Variants in AGTRAP observed in about 807,000 individuals in gnomAD.
The protein encoded by AGTRAP is type-1 angiotensin II receptor-associated protein.
In AGTRAP, 7 loss-of-function variants were observed where a neutral mutation model predicts 15.2. That is an observed-to-expected ratio of 0.46 (90% CI 0.26 to 0.87). AGTRAP has a LOEUF of 0.87. AGTRAP is among the 40% of genes least tolerant of loss of function. The pLI, the probability that AGTRAP is intolerant of heterozygous loss-of-function variation, is 0.15. For synonymous variants in AGTRAP, 74 were observed against 89.6 expected (o/e 0.83, Z 0.98); for missense variants, 187 against 213.4 (o/e 0.88, Z 0.77).
At chr1:11,747,313 G>A in intron 2 of AGTRAP, 127 bp from the exon 3 acceptor site, 1 of 830,896 alleles carries the variant, frequency 1.2e-6, no homozygotes, top group Non-Finnish European at 2.0e-6. Flanking sequence ...GGATTTGCTG[G>A]CACACAGCCG....
rs147510460 is a variant in AGTRAP at position 11,743,727 on chromosome 1, C to T, written c.28-2076C>T. Among the ~76,000 whole-genome samples the T allele has an allele frequency of 2.4e-3, 368 of 152,018 alleles. 3 individuals carry two copies. The highest frequency in any genetic ancestry group is 7.9e-3 in the African/African-American group (327 of 41,466). ...GATTACAGGCATGTGCCACCATGCC[C>T]GGCTAATTTTGTATTTTTAGTAGAA... On this transcript the variant is annotated intron_variant, in intron 1 of 4. Transcript: ENST00000314340.
Position 11,748,542 on chromosome 1 carries a change from A to G in AGTRAP, c.296A>G (p.Lys99Arg), listed in dbSNP as rs985027542. 13 of 1,612,378 alleles carry G rather than the reference A, an allele frequency of 8.1e-6. No individual in the cohort carries two copies. The African/African-American group carries it at 1.5e-4, about 18-fold the overall frequency. ...ATGGCCATCCTCAGCTTGCTGCTCA[A>G]GCCGCTCTCCTGCTGCTTCGTCTAC... ...VGMAILSLLL[K>R]PLSCCFVYHM... is the part of the protein sequence containing the mutation. The change falls in exon 4 of 5, where the codon AAG (lysine) becomes AGG (arginine). Residue 99 changes from lysine to arginine, a missense_variant. Transcript: ENST00000314340.
intron 2 of AGTRAP, chr1:11,746,119 C>T (rs1239692940): frequency 3.1e-6 from 5 of 1,612,388 alleles, no homozygotes; most frequent in African/African-American, 1.3e-5. Context: ...CTCTTTTAAT[C>T]TGTTGAGCTT....
chr1:11,747,642 C>G (rs970829349), intron 3 of AGTRAP, 97 bp downstream of exon 3: 3 of 1,299,766 alleles, frequency 2.3e-6, no homozygotes, highest in African/African-American at 2.9e-5. Context: ...CAATCTTCCC[C>G]CTCTTCCTTG....
chr1:11,750,354 G>A lies in AGTRAP; in HGVS notation c.*162G>A. 2 of 712,390 alleles carry A rather than the reference G, an allele frequency of 2.8e-6. No individual in the cohort carries two copies. Among genetic ancestry groups the A allele is most frequent in the Non-Finnish European group, 5.0e-6 (2 of 399,606 alleles). 44.1% of individuals were successfully genotyped at this position (712,390 alleles called of 1,614,324 possible). A position where few individuals can be genotyped will look rare whatever the true frequency, so the allele number is the denominator to read the frequency against. ...GCCAGGAGCCCCCATGGGCCGCCCA[G>A]TACCATGCACACTCCTGTCCCGAAC... On this transcript the variant is annotated 3_prime_UTR_variant, in exon 5 of 5. Transcript: ENST00000314340.
intron 1 of AGTRAP, among the ~76,000 whole-genome samples, chr1:11,742,508 T>C (rs1320872868): frequency 6.6e-6 from 1 of 151,578 alleles, no homozygotes; most frequent in Non-Finnish European, 1.5e-5. Context: ...TCCTTCTCTT[T>C]CTCTCTTTCT....
chr1:11,749,635 A>T (rs1374465745), intron 4 of AGTRAP, among the ~76,000 whole-genome samples: 2 of 152,066 alleles, frequency 1.3e-5, no homozygotes, highest in Non-Finnish European at 2.9e-5. Context: ...GTGTCCTTGT[A>T]CCTGGGAGGG....
chr1:11,742,415 TTTCTTTCCC>T (rs1422422287), intron 1 of AGTRAP, among the ~76,000 whole-genome samples: 8 of 152,094 alleles, frequency 5.3e-5, no homozygotes, highest in African/African-American at 1.7e-4. Context: ...TTTTCTGTCC[TTTCTTTCCC>T]TTCTTTCCCT....
chr1:11,747,296 G>A, intron 2 of AGTRAP, 144 bp from the exon 3 acceptor site: 1 of 738,722 alleles, frequency 1.4e-6, no homozygotes, highest in South Asian at 1.6e-5. Context: ...GGGAGGCGGA[G>A]CCCATGGGAT....
chr1:11,745,618 G>T lies in AGTRAP; in HGVS notation c.28-185G>T, dbSNP rs115625435. Among the ~76,000 whole-genome samples, 1,818 of 152,314 alleles carry T rather than the reference G, an allele frequency of 0.012. 38 individuals carry two copies. The highest frequency in any genetic ancestry group is 0.041 in the African/African-American group (1,697 of 41,566). ...AAGCGGCCCCTCCCTGGCCTGGCCTGCTTTCTTCCTCCTCCTTCACTCCTG... is the reference window on the plus strand; with the variant it reads ...AAGCGGCCCCTCCCTGGCCTGGCCTTCTTTCTTCCTCCTCCTTCACTCCTG... On this transcript the variant is annotated intron_variant, in intron 1 of 4. Coordinates refer to ENST00000314340, the MANE Select transcript of AGTRAP (RefSeq NM_020350.5). The surrounding 1 kb of genome is among the most constrained non-coding windows in gnomAD (Gnocchi z 4.2).
chr1:11,737,185 C>A (rs1641921481), intron 1 of AGTRAP, among the ~76,000 whole-genome samples: 1 of 152,336 alleles, frequency 6.6e-6, no homozygotes, highest in East Asian at 1.9e-4. Flanking sequence ...TGTGCTATGA[C>A]TTGCTATAGG....
chr1:11,748,144 T>A (rs1191914177), intron 3 of AGTRAP, among the ~76,000 whole-genome samples: 2 of 152,122 alleles, frequency 1.3e-5, no homozygotes, highest in Non-Finnish European at 2.9e-5. Flanking sequence ...TAGAGCCAAG[T>A]CTTGTGCCCA....
intron 4 of AGTRAP, among the ~76,000 whole-genome samples, chr1:11,749,451 C>G (rs1477445168): frequency 1.3e-5 from 2 of 152,156 alleles, no homozygotes; most frequent in African/African-American, 4.8e-5. Context: ...CAGAATGTTT[C>G]TCCCATTGGA....
chr1:11,747,649 C>G, intron 3 of AGTRAP, 104 bp downstream of exon 3: 1 of 1,197,794 alleles, frequency 8.3e-7, no homozygotes, highest in Non-Finnish European at 1.2e-6. Context: ...CCCCCTCTTC[C>G]TTGGGCCACC....
In AGTRAP at chr1:11,736,222, C is replaced by T. The variant is rs1641892490; in HGVS notation, c.14C>T (p.Ala5Val). 2 of 1,608,178 alleles carry T rather than the reference C, an allele frequency of 1.2e-6. No individual in the cohort carries two copies. The highest frequency in any genetic ancestry group is 1.7e-6 in the Non-Finnish European group (2 of 1,177,934). ...GCCTGAGTCGGGATGGAGCTGCCTG[C>T]TGTGAACCTGAAGGTGGCGACGGGC... is the stretch of plus-strand genomic sequence containing the variant. MELP[A>V]VNLKVILLGH... The change falls in exon 1 of 5, where the codon GCT (alanine) becomes GTT (valine). Residue 5 changes from alanine (A) to valine (V), a missense_variant. Ala to Val is a moderately conservative substitution (Grantham distance 64, BLOSUM62 0). Coordinates refer to ENST00000314340, the MANE Select transcript of AGTRAP (RefSeq NM_020350.5).
At position 11,740,062 on chromosome 1, in the gene AGTRAP, G is replaced by C. The variant is rs144976484; in HGVS notation, c.27+3827G>C. ...TGAGCACTGTAGTGAGAGTCCAGGG[G>C]CTCAGGTCCGTCCTTCCTGCCCAGC... On this transcript the variant is annotated intron_variant, in intron 1 of 4. Transcript: ENST00000314340. Among the ~76,000 whole-genome samples the C allele has an allele frequency of 5.9e-3, 896 of 152,296 alleles. 10 individuals are homozygous for C. The highest frequency in any genetic ancestry group is 0.021 in the African/African-American group (861 of 41,560).
At chr1:11,744,116 AAAAC>A (rs1642102649) in intron 1 of AGTRAP, among the ~76,000 whole-genome samples, 1 of 152,090 alleles carries the variant, frequency 6.6e-6, no homozygotes, top group Admixed American at 6.5e-5. Flanking sequence ...TCTCTACAAA[AAAAC>A]AAAAATTAGC....
intron 1 of AGTRAP, among the ~76,000 whole-genome samples, chr1:11,741,327 G>A (rs1205425607): frequency 2.0e-5 from 3 of 152,054 alleles, no homozygotes; most frequent in South Asian, 2.1e-4. Flanking sequence ...CTTCAATCAG[G>A]TGCTTTCCTT....
At chr1:11,737,159 A>G (rs928774386) in intron 1 of AGTRAP, among the ~76,000 whole-genome samples, 1 of 152,240 alleles carries the variant, frequency 6.6e-6, no homozygotes, top group Non-Finnish European at 1.5e-5. Context: ...AATACACTTT[A>G]TTATTACACA....
Sources: allele counts gnomAD v4.1 joint callset (sites outside exome capture counted in the v4.1 genomes callset), GRCh38; gene constraint gnomAD v4.1.1; non-coding constraint Gnocchi (gnomAD v3.1); transcripts MANE v1.5; gene names NCBI Gene and HGNC (gene_info 2026-07-23, HGNC 2026-07-21).